Variants in CCDC63 observed in about 807,000 individuals in gnomAD.
CCDC63 encodes coiled-coil domain containing 63, also known as coiled-coil domain-containing protein 63.
Under a neutral mutation model 63.6 loss-of-function variants are expected in CCDC63, and 54 were observed. The ratio of observed to expected loss-of-function variants is 0.85; its 90% CI spans 0.68 to 1.07. CCDC63 has a LOEUF of 1.07. Ranked by LOEUF, CCDC63 falls within the 50% of genes least tolerant of loss-of-function variation. The pLI, the probability that CCDC63 is intolerant of heterozygous loss-of-function variation, is 0.00. For synonymous variants in CCDC63, 253 were observed against 266.1 expected (o/e 0.95, Z 0.48); for missense variants, 637 against 689.6 (o/e 0.92, Z 0.86).
chr12:110,877,438 G>A (rs911464283), intron 5 of CCDC63, among the ~76,000 whole-genome samples: 4 of 151,712 alleles, frequency 2.6e-5, no homozygotes, highest in Admixed American at 2.0e-4. Flanking sequence ...GGTCTCAAAC[G>A]CCTGACCTCA....
At position 110,884,054 on chromosome 12, in the gene CCDC63, A is replaced by G; in HGVS notation, c.878A>G (p.Lys293Arg). The change falls in exon 8 of 12, where the codon AAG (lysine) becomes AGG (arginine). Residue 293 changes from lysine (K) to arginine (R), a missense_variant. By Grantham distance (26) the Lys-to-Arg change is conservative. Transcript: ENST00000308208. ...GCTCTCAAGGCAAAGAAGCATGTCA[A>G]GAAGAACAGGGGAGAGAGTTTTGAG... is the stretch of plus-strand genomic sequence containing the variant. ...EEALKAKKHV[K>R]KNRGESFESY... 1.2e-6 allele frequency: 2 copies of G among 1,614,002 alleles called. No homozygotes were observed. Among genetic ancestry groups the G allele is most frequent in the Non-Finnish European group, 1.7e-6 (2 of 1,179,912 alleles).
intron 10 of CCDC63, among the ~76,000 whole-genome samples, chr12:110,903,307 T>A (rs2071515140): frequency 1.3e-5 from 2 of 152,272 alleles, no homozygotes; most frequent in South Asian, 4.1e-4. Context: ...CCGGCCTGGA[T>A]GGTAATATTT....
intron 3 of CCDC63, among the ~76,000 whole-genome samples, chr12:110,857,599 T>C (rs764295922): frequency 3.3e-5 from 5 of 152,156 alleles, no homozygotes; most frequent in African/African-American, 7.2e-5. Flanking sequence ...GCAAACCACA[T>C]TGGGGAGTGG....
At chr12:110,869,204 T>C (rs1433562519) in intron 4 of CCDC63, among the ~76,000 whole-genome samples, 1 of 152,200 alleles carries the variant, frequency 6.6e-6, no homozygotes, top group South Asian at 2.1e-4. Context: ...TTCACAACAC[T>C]GAGCACTTAA....
chr12:110,903,185 GT>G (rs1252578031), intron 10 of CCDC63, among the ~76,000 whole-genome samples: 11 of 151,742 alleles, frequency 7.2e-5, no homozygotes, highest in African/African-American at 2.7e-4. Flanking sequence ...CCTAATTTTT[GT>G]TTTTTAGTAA....
chr12:110,907,375 G>T lies in CCDC63; in HGVS notation c.1591G>T (p.Asp531Tyr). ...DHSSLRQLVLDNYILKENRSK... is the reference protein window; with the variant it reads ...DHSSLRQLVLYNYILKENRSK... ...CAGCAGCCTTCGGCAGCTGGTTCTC[G>T]ACAATTATATCCTGAAGGAGAATCG... The change falls in exon 12 of 12, where the codon GAC becomes TAC. Residue 531 changes from aspartate (D) to tyrosine (Y), a missense_variant. By Grantham distance (160) the Asp-to-Tyr change is radical (BLOSUM62 -3). Coordinates refer to ENST00000308208, the MANE Select transcript of CCDC63 (RefSeq NM_152591.3). The surrounding 1 kb of genome is among the most constrained non-coding windows in gnomAD (Gnocchi z 4.4). 2 of 1,614,058 alleles carry T rather than the reference G, an allele frequency of 1.2e-6. No homozygotes were observed. The highest frequency in any genetic ancestry group is 1.1e-5 in the South Asian group (1 of 91,044).
At chr12:110,906,828 C>T (rs567995243) in intron 11 of CCDC63, among the ~76,000 whole-genome samples, 15 of 152,298 alleles carry the variant, frequency 9.8e-5, no homozygotes, top group African/African-American at 3.1e-4. Context: ...CTGGTTAAGT[C>T]GTCCTCACAA....
At chr12:110,870,830 A>T (rs2071056387) in intron 4 of CCDC63, among the ~76,000 whole-genome samples, 1 of 152,222 alleles carries the variant, frequency 6.6e-6, no homozygotes, top group Admixed American at 6.5e-5. Context: ...CTCAAAACAC[A>T]ACCCACCTGC....
intron 9 of CCDC63, 50 bp from the exon 10 acceptor site, chr12:110,898,883 T>G: frequency 6.8e-7 from 1 of 1,471,946 alleles, no homozygotes; most frequent in Non-Finnish European, 9.1e-7. Flanking sequence ...CCAAACACCC[T>G]GCCCACTGAA....
At chr12:110,864,602 G>C (rs2070913838) in intron 4 of CCDC63, among the ~76,000 whole-genome samples, 2 of 151,740 alleles carry the variant, frequency 1.3e-5, no homozygotes, top group African/African-American at 2.4e-5. Flanking sequence ...AGCTACTTGG[G>C]AGGCTGAGGC....
Position 110,884,082 on chromosome 12 carries a change from C to T in CCDC63, c.906C>T (p.Ser302=). The T allele has an allele frequency of 6.2e-7, 1 of 1,614,126 alleles. No homozygotes were observed. The highest frequency in any genetic ancestry group is 8.5e-7 in the Non-Finnish European group (1 of 1,180,016). Residue 302 remains serine, a synonymous_variant, in exon 8 of 12, where the codon AGC becomes AGT. Transcript: ENST00000308208. ...AGAACAGGGGAGAGAGTTTTGAGAG[C>T]TATGAGGTGGCCCACCTCCGGCTGC... ...VKKNRGESFE[S]YEVAHLRLLK...
intron 8 of CCDC63, among the ~76,000 whole-genome samples, chr12:110,885,242 T>C (rs2071264731): frequency 6.6e-6 from 1 of 151,894 alleles, no homozygotes; most frequent in African/African-American, 2.4e-5. Flanking sequence ...AAGTATTTCT[T>C]ATTTGGCCCC....
rs901384404 is a variant in CCDC63, at chr12:110,884,746, G to T, written c.1074+496G>T. On this transcript the variant is annotated intron_variant, in intron 8 of 11. Transcript: ENST00000308208. ...CTGTCATCCAGGCTGGAGTGCAGTG[G>T]CATGATCTTGGTTCACTGCAACCTC... 2.6e-5 allele frequency among the ~76,000 whole-genome samples: 4 copies of T among 152,098 alleles called. No homozygotes were observed. The East Asian group carries it at 5.8e-4, about 22-fold the overall frequency.
rs751710724 is a variant in CCDC63 at position 110,868,766 on chromosome 12, GGAGGGA to G, written c.370-5042_370-5037del. 7.8e-3 allele frequency among the ~76,000 whole-genome samples: 572 copies of G among 73,648 alleles called. 9 individuals are homozygous for G. The highest frequency in any genetic ancestry group is 0.014 in the Middle Eastern group (2 of 146). 48.3% of individuals were successfully genotyped at this position (73,648 alleles called of 152,430 possible). ...GAGAGGGGGAGGGGAAGGGGGAGGG[GGAGGGA>G]GAGGGAGAGGGAGAGGGAGAGGGAG... On this transcript the variant is annotated intron_variant, in intron 4 of 11. Transcript: ENST00000308208.
chr12:110,866,504 G>C (rs2070950716), intron 4 of CCDC63, among the ~76,000 whole-genome samples: 1 of 135,560 alleles, frequency 7.4e-6, no homozygotes, highest in African/African-American at 2.8e-5. Context: ...CTTGAGATTA[G>C]GGATTGGTGA....
intron 3 of CCDC63, among the ~76,000 whole-genome samples, chr12:110,858,275 G>C (rs1222360258): frequency 6.6e-6 from 1 of 152,154 alleles, no homozygotes; most frequent in African/African-American, 2.4e-5. Flanking sequence ...CCAGGGAGTT[G>C]CTGGCAAAGG....
At chr12:110,874,897 A>G (rs1164525827) in intron 5 of CCDC63, among the ~76,000 whole-genome samples, 1 of 152,192 alleles carries the variant, frequency 6.6e-6, no homozygotes, top group African/African-American at 2.4e-5. Flanking sequence ...CCCCTGGAAA[A>G]GCAAAAAGAG....
intron 9 of CCDC63, among the ~76,000 whole-genome samples, chr12:110,894,047 G>A (rs373301673): frequency 6.6e-6 from 1 of 151,710 alleles, no homozygotes; most frequent in Non-Finnish European, 1.5e-5. Flanking sequence ...GGCTGGTATG[G>A]CACCTTTATG....
At chr12:110,855,066 C>A (rs1329520523) in intron 3 of CCDC63, among the ~76,000 whole-genome samples, 1 of 152,204 alleles carries the variant, frequency 6.6e-6, no homozygotes, top group African/African-American at 2.4e-5. Context: ...TCTAGGATTA[C>A]AGGCGTGAGC....
Sources: allele counts gnomAD v4.1 joint callset (sites outside exome capture counted in the v4.1 genomes callset), GRCh38; gene constraint gnomAD v4.1.1; non-coding constraint Gnocchi (gnomAD v3.1); transcripts MANE v1.5; gene names NCBI Gene and HGNC (gene_info 2026-07-23, HGNC 2026-07-21).